OPCML: variants seen among roughly 807,000 people sequenced by gnomAD.
OPCML encodes the protein opioid binding protein/cell adhesion molecule like.
Under a neutral mutation model 37.8 loss-of-function variants are expected in OPCML, and 13 were observed. The ratio of observed to expected loss-of-function variants is 0.34; its 90% CI spans 0.22 to 0.55. The LOEUF (loss-of-function observed/expected upper bound fraction) is 0.55. Among genes scored for constraint, OPCML ranks in the 20% least tolerant of loss-of-function variants. The pLI is 0.91. For synonymous variants in OPCML, 176 were observed against 168.8 expected (o/e 1.04, Z -0.33); for missense variants, 341 against 435.6 (o/e 0.78, Z 1.93).
intron 1 of OPCML, among the ~76,000 whole-genome samples, chr11:132,984,884 C>T (rs778374614): frequency 4.6e-5 from 7 of 152,188 alleles, no homozygotes; most frequent in Non-Finnish European, 7.3e-5. Context: ...CCTGGAGTTA[C>T]GCGTGGTGTA....
chr11:132,802,143 T>C (rs554058493), intron 2 of OPCML, among the ~76,000 whole-genome samples: 1 of 152,190 alleles, frequency 6.6e-6, no homozygotes, highest in African/African-American at 2.4e-5. Context: ...AACTGTTACC[T>C]CGAATAAGTT....
chr11:132,823,393 A>G, intron 2 of OPCML, among the ~76,000 whole-genome samples: 1 of 152,132 alleles, frequency 6.6e-6, no homozygotes, highest in East Asian at 1.9e-4. Flanking sequence ...TTGCTAAAAA[A>G]GTTGATGTCT....
intron 1 of OPCML, among the ~76,000 whole-genome samples, chr11:133,449,310 C>A (rs970227622): frequency 4.6e-5 from 7 of 152,210 alleles, no homozygotes; most frequent in African/African-American, 9.7e-5. Flanking sequence ...AACAACTACT[C>A]AGCTTTACCA....
At chr11:132,586,308 C>T (rs1159664347) in intron 3 of OPCML, among the ~76,000 whole-genome samples, 2 of 152,194 alleles carry the variant, frequency 1.3e-5, no homozygotes, top group Non-Finnish European at 2.9e-5. Flanking sequence ...TGATATTTCC[C>T]TGTTATATCC....
intron 2 of OPCML, among the ~76,000 whole-genome samples, chr11:132,931,144 C>T (rs1382466331): frequency 2.7e-5 from 4 of 149,356 alleles, no homozygotes; most frequent in African/African-American, 7.4e-5. Flanking sequence ...TCATATTACA[C>T]CATATACAAA....
At chr11:133,148,468 G>A (rs1455140309) in intron 1 of OPCML, among the ~76,000 whole-genome samples, 1 of 152,230 alleles carries the variant, frequency 6.6e-6, no homozygotes. Context: ...AGGGAGGGAA[G>A]TATCGCTGGC....
At chr11:133,012,916 CCCACAGCAT>C (rs1227090200) in intron 1 of OPCML, among the ~76,000 whole-genome samples, 1 of 151,720 alleles carries the variant, frequency 6.6e-6, no homozygotes, top group East Asian at 1.9e-4. Flanking sequence ...CTTGGACTTT[CCCACAGCAT>C]CCTGGATATT....
intron 2 of OPCML, among the ~76,000 whole-genome samples, chr11:132,802,418 C>T (rs147664803): frequency 0.015 from 2,266 of 152,270 alleles, 174 homozygotes; most frequent in Admixed American, 0.12. Flanking sequence ...ACCCTTTGCT[C>T]AGCCTGGTCT....
chr11:133,364,661 T>G (rs1460422425), intron 1 of OPCML, among the ~76,000 whole-genome samples: 1 of 152,212 alleles, frequency 6.6e-6, no homozygotes, highest in Admixed American at 6.5e-5. Flanking sequence ...AAATGGAAGT[T>G]TGTATGTCAT....
rs1311473376 is a variant in OPCML at position 133,211,287 on chromosome 11, C to T, written c.62-268277G>A. Among the ~76,000 whole-genome samples, 1 of 152,146 alleles carries T rather than the reference C, an allele frequency of 6.6e-6. No individual in the cohort carries two copies. Among genetic ancestry groups the T allele is most frequent in the Admixed American group, 6.5e-5 (1 of 15,278 alleles). On this transcript the variant is annotated intron_variant, in intron 1 of 7. Transcript: ENST00000524381. This position sits in a 1 kb window ranked among gnomAD's most constrained non-coding sequence, Gnocchi z 4.1. ...TTATTTTTAGAGCCTCTAATTGAGA[C>T]CACAGCACCCAGCACCTAAAAATCC...
At chr11:132,987,740 C>G (rs563190578) in intron 1 of OPCML, among the ~76,000 whole-genome samples, 1 of 152,220 alleles carries the variant, frequency 6.6e-6, no homozygotes, top group South Asian at 2.1e-4. Context: ...ATAGCGTCTT[C>G]CCTATGCTCC....
chr11:133,390,145 G>A (rs1167479779), intron 1 of OPCML, among the ~76,000 whole-genome samples: 4 of 152,182 alleles, frequency 2.6e-5, no homozygotes, highest in African/African-American at 9.6e-5. Context: ...TGGAACATCT[G>A]TACGTTTACC....
At chr11:133,360,808 C>A (rs1202936828) in intron 1 of OPCML, 1 of 152,236 alleles carries the variant, frequency 6.6e-6, no homozygotes, top group South Asian at 2.1e-4. Flanking sequence ...TCAGCTCCAG[C>A]TCTCAGGCAG....
intron 4 of OPCML, among the ~76,000 whole-genome samples, chr11:132,499,525 T>C (rs2096241276): frequency 6.6e-6 from 1 of 152,188 alleles, no homozygotes; most frequent in African/African-American, 2.4e-5. Flanking sequence ...TCATTTCACA[T>C]AGATGGGAAA....
intron 4 of OPCML, among the ~76,000 whole-genome samples, chr11:132,514,549 G>A (rs1161841736): frequency 2.6e-5 from 4 of 152,144 alleles, no homozygotes; most frequent in Admixed American, 2.6e-4. Context: ...CTGGGCTCTC[G>A]GGAGTATAAT....
At chr11:133,236,896 A>G (rs1399235804) in intron 1 of OPCML, among the ~76,000 whole-genome samples, 1 of 140,846 alleles carries the variant, frequency 7.1e-6, no homozygotes, top group Non-Finnish European at 1.6e-5. Flanking sequence ...AGCAGTAGGG[A>G]GGATGCGTCA....
chr11:132,785,860 G>T (rs1371633027), intron 2 of OPCML, among the ~76,000 whole-genome samples: 1 of 152,142 alleles, frequency 6.6e-6, no homozygotes, highest in Non-Finnish European at 1.5e-5. Context: ...ATATCCAGGT[G>T]ACCATTTAAA....
intron 1 of OPCML, among the ~76,000 whole-genome samples, chr11:133,467,525 T>C (rs1191622597): frequency 6.6e-6 from 1 of 152,166 alleles, no homozygotes; most frequent in African/African-American, 2.4e-5. Context: ...ACTGTATTAA[T>C]AATATTTTTA....
intron 1 of OPCML, among the ~76,000 whole-genome samples, chr11:132,998,877 C>T (rs577379306): frequency 3.9e-5 from 6 of 152,218 alleles, no homozygotes; most frequent in African/African-American, 1.2e-4. Flanking sequence ...TTCCAGCCTC[C>T]GGAAATATGA....
Sources: allele counts gnomAD v4.1 joint callset (sites outside exome capture counted in the v4.1 genomes callset), GRCh38; gene constraint gnomAD v4.1.1; non-coding constraint Gnocchi (gnomAD v3.1); transcripts MANE v1.5; gene names NCBI Gene and HGNC (gene_info 2026-07-23, HGNC 2026-07-21).